The following PIGN variants were observed in gnomAD, a reference collection of about 807,000 sequenced individuals.
The protein encoded by PIGN is phosphatidylinositol glycan anchor biosynthesis class N.
In PIGN, 117 loss-of-function variants were observed where a neutral mutation model predicts 125.4. The observed-to-expected ratio is 0.93, with a 90% CI of 0.80 to 1.09. PIGN has a LOEUF of 1.09. Among genes scored for constraint, PIGN ranks in the 50% least tolerant of loss-of-function variants. The pLI is 0.00. For missense variants in PIGN, 1,075 were observed against 1,094.9 expected (o/e 0.98, Z 0.26); for synonymous variants, 392 against 377.8 (o/e 1.04, Z -0.44).
chr18:62,101,205 G>T (rs766998112), intron 21 of PIGN, 22 bp from the exon 22 acceptor site: 6 of 1,348,248 alleles, frequency 4.5e-6, no homozygotes, highest in Non-Finnish European at 6.3e-6. Context: ...GATGAAATAG[G>T]TTAAAAAAAG....
At position 62,148,480 on chromosome 18, in the gene PIGN, C is replaced by T. The variant is rs2036416223; in HGVS notation, c.550-142G>A. 7 of 491,256 alleles carry T rather than the reference C, an allele frequency of 1.4e-5. 1 individual carries two copies. The South Asian group carries it at 1.6e-4, about 11-fold the overall frequency. 30.4% of individuals were successfully genotyped at this position (491,256 alleles called of 1,614,324 possible). On this transcript the variant is annotated intron_variant, in intron 7 of 30. Transcript: ENST00000640252. ...TAAATCTGTGCTCAAGACCTACCAA[C>T]ACAACGTCTTTGCTATCAGTTCAGA...
At chr18:62,120,775 C>CA (rs950343970) in intron 14 of PIGN, among the ~76,000 whole-genome samples, 14 of 150,812 alleles carry the variant, frequency 9.3e-5, no homozygotes, top group Non-Finnish European at 1.3e-4. Flanking sequence ...ATTAATCCTA[C>CA]AAAAAAACAA....
chr18:62,058,157 T>G (rs1206802990), intron 30 of PIGN, among the ~76,000 whole-genome samples: 1 of 152,198 alleles, frequency 6.6e-6, no homozygotes, highest in African/African-American at 2.4e-5. Flanking sequence ...GACCAGGAGG[T>G]TCTTTCTGTC....
intron 12 of PIGN, 109 bp from the exon 13 acceptor site, chr18:62,139,184 A>G (rs1042673412): frequency 3.7e-6 from 2 of 533,802 alleles, no homozygotes; most frequent in Admixed American, 3.4e-5. Flanking sequence ...GGACAAATAA[A>G]TAATTGAAAT....
chr18:62,024,980 G>A (rs1411263235), intron 23 of PIGN, among the ~76,000 whole-genome samples: 3 of 152,216 alleles, frequency 2.0e-5, no homozygotes, highest in African/African-American at 7.2e-5. Flanking sequence ...ACTCTTATGG[G>A]TACAAGTAGG....
At chr18:62,132,376 C>T (rs1934444765) in intron 14 of PIGN, among the ~76,000 whole-genome samples, 1 of 152,086 alleles carries the variant, frequency 6.6e-6, no homozygotes, top group South Asian at 2.1e-4. Flanking sequence ...TTTCAAAATA[C>T]CTCAAGGGGG....
Position 62,180,573 on chromosome 18 carries a change from T to C in PIGN, c.-236+6271A>G, listed in dbSNP as rs545381972. On this transcript the variant is annotated intron_variant, in intron 1 of 30. Coordinates refer to ENST00000640252, the MANE Select transcript of PIGN (RefSeq NM_176787.5). ...AAATTGGCATCCTGTTATTTGAATA[T>C]GTATTTGCCTGATTACTAGTGAGTA... Among the ~76,000 whole-genome samples, 9 of 152,304 alleles carry C rather than the reference T, an allele frequency of 5.9e-5. No individual in the cohort carries two copies. The East Asian group carries it at 1.3e-3, about 23-fold the overall frequency.
At chr18:62,097,813 C>T (rs907083490) in intron 22 of PIGN, among the ~76,000 whole-genome samples, 6 of 151,858 alleles carry the variant, frequency 4.0e-5, no homozygotes, top group African/African-American at 1.2e-4. Flanking sequence ...AGAGATGTAT[C>T]GACTCTCCCC....
intron 1 of PIGN, among the ~76,000 whole-genome samples, chr18:62,184,982 T>A (rs2037845061): frequency 6.6e-6 from 1 of 152,208 alleles, no homozygotes; most frequent in African/African-American, 2.4e-5. Flanking sequence ...TAGGTAACTT[T>A]TTCAAGGTCT....
At chr18:62,030,813 CTA>C (rs2030185906) in intron 23 of PIGN, among the ~76,000 whole-genome samples, 2 of 152,104 alleles carry the variant, frequency 1.3e-5, no homozygotes, top group Non-Finnish European at 2.9e-5. Context: ...TTTCTAAGTA[CTA>C]ACTTATATAT....
intron 20 of PIGN, chr18:62,103,753 A>C (rs1404573255): frequency 6.6e-6 from 1 of 152,194 alleles, no homozygotes; most frequent in Non-Finnish European, 1.5e-5. Flanking sequence ...CCCCAGAAAA[A>C]TGCTTGATGG....
chr18:62,074,210 T>G (rs62095277), intron 29 of PIGN, among the ~76,000 whole-genome samples: 26,031 of 152,248 alleles, frequency 0.17, 2,955 homozygotes, highest in Middle Eastern at 0.29. Flanking sequence ...CATTCAGTGA[T>G]TTCAGTGAAT....
chr18:62,125,551 C>G (rs996643678), intron 14 of PIGN, among the ~76,000 whole-genome samples: 1 of 151,962 alleles, frequency 6.6e-6, no homozygotes, highest in African/African-American at 2.4e-5. Context: ...CACGATGGAA[C>G]TGCTTGGTTA....
chr18:62,143,458 T>C, intron 10 of PIGN, 112 bp from the exon 11 acceptor site: 1 of 629,680 alleles, frequency 1.6e-6, no homozygotes. Context: ...TAGAAATGTC[T>C]ATTTTAAGCC....
rs1490786376 is a variant in PIGN, at chr18:62,150,848, C to T, written c.550-2510G>A. 2.6e-5 allele frequency among the ~76,000 whole-genome samples: 4 copies of T among 152,094 alleles called. No individual in the cohort carries two copies. The South Asian group carries it at 6.2e-4, about 24-fold the overall frequency. ...TCCTGAGTAGCTGGGACTACAGGCA[C>T]GTGCCACCATGCCCGGCTAATTTTT... is the stretch of plus-strand genomic sequence containing the variant. On this transcript the variant is annotated intron_variant, in intron 7 of 30. Transcript: ENST00000640252.
chr18:62,151,893 G>A (rs1216214374), intron 7 of PIGN, among the ~76,000 whole-genome samples: 6 of 152,108 alleles, frequency 3.9e-5, no homozygotes, highest in African/African-American at 9.7e-5. Flanking sequence ...TACTGTCAAC[G>A]AAGAGTCACA....
chr18:62,114,572 A>G lies in PIGN; in HGVS notation c.1240T>C (p.Phe414Leu). 2.6e-6 allele frequency: 4 copies of G among 1,516,928 alleles called. No individual in the cohort carries two copies. Among genetic ancestry groups the G allele is most frequent in the Non-Finnish European group, 3.6e-6 (4 of 1,115,390 alleles). The allele number at this position is 1,516,928 out of a possible 1,614,324, so 94.0% of individuals were successfully genotyped here. A position where few individuals can be genotyped will look rare whatever the true frequency, so the allele number is the denominator to read the frequency against. ...KARSYIKHRK[F>L]DEVVSLCKEL... is the part of the protein sequence containing the mutation. ...GCCGGTATACTTACCACTTCATCAA[A>G]CTTTCTGTGTTTTATATAAGATCTT... The change falls in exon 15 of 31, where the codon TTT becomes CTT. Residue 414 changes from phenylalanine to leucine, a missense_variant. Phe to Leu is a conservative substitution (Grantham distance 22). Around this residue, in one of 3 missense-constraint regions of PIGN, gnomAD observed 915 missense variants for 908.7 expected, o/e 1.01. Transcript: ENST00000640252.
At chr18:62,104,395 G>A (rs548412430) in intron 20 of PIGN, among the ~76,000 whole-genome samples, 10 of 152,226 alleles carry the variant, frequency 6.6e-5, no homozygotes, top group African/African-American at 2.4e-4. Context: ...AAGGAAAGGG[G>A]CTTTATAGAA....
chr18:62,098,694 C>A (rs2034312186), intron 22 of PIGN, among the ~76,000 whole-genome samples: 1 of 152,128 alleles, frequency 6.6e-6, no homozygotes, highest in African/African-American at 2.4e-5. Context: ...TTTGGAGATA[C>A]TGATGACTTA....
Sources: allele counts gnomAD v4.1 joint callset (sites outside exome capture counted in the v4.1 genomes callset), GRCh38; gene constraint gnomAD v4.1.1; regional missense constraint gnomAD v4.1.1; transcripts MANE v1.5; gene names NCBI Gene and HGNC (gene_info 2026-07-23, HGNC 2026-07-21).